Variants in ADCY8 observed in about 807,000 individuals in gnomAD.
The protein encoded by ADCY8 is adenylate cyclase type 8.
ADCY8 carries 51 observed loss-of-function variants against 119.7 expected under a neutral mutation model. The ratio of observed to expected loss-of-function variants is 0.43; its 90% confidence interval spans 0.34 to 0.54. The LOEUF (loss-of-function observed/expected upper bound fraction) is 0.54. ADCY8 is among the 20% of genes least tolerant of loss of function. ADCY8 has a pLI of 0.03. For synonymous variants in ADCY8, 665 were observed against 651.0 expected (o/e 1.02, Z -0.33); for missense variants, 1,383 against 1,598.8 (o/e 0.87, Z 2.30).
At chr8:130,796,201 T>TC (rs1038994824) in intron 15 of ADCY8, among the ~76,000 whole-genome samples, 10 of 152,182 alleles carry the variant, frequency 6.6e-5, no homozygotes, top group Admixed American at 5.2e-4. Flanking sequence ...CTGGTAAGCC[T>TC]CCCCCTCAGA....
intron 13 of ADCY8, among the ~76,000 whole-genome samples, chr8:130,815,465 C>T (rs190305771): frequency 0.011 from 1,657 of 152,226 alleles, 40 homozygotes; most frequent in African/African-American, 0.035. Context: ...AAACAATATA[C>T]ATATATTAAA....
chr8:130,908,984 GCT>G (rs10532518), intron 6 of ADCY8, among the ~76,000 whole-genome samples: 60,551 of 130,828 alleles, frequency 0.46, 13,469 homozygotes, highest in African/African-American at 0.66. Context: ...ATGTGGAAGT[GCT>G]CTCTCTCTCT....
At chr8:130,982,270 T>A (rs1822262938) in intron 2 of ADCY8, among the ~76,000 whole-genome samples, 1 of 152,162 alleles carries the variant, frequency 6.6e-6, no homozygotes, top group Non-Finnish European at 1.5e-5. Flanking sequence ...GGAAGCATGG[T>A]GCTAACCCTG....
intron 2 of ADCY8, among the ~76,000 whole-genome samples, chr8:130,961,216 C>A (rs1285751067): frequency 6.6e-6 from 1 of 152,152 alleles, no homozygotes; most frequent in Admixed American, 6.5e-5. Context: ...TCAAGCAATT[C>A]TCCTGCCTCA....
intron 8 of ADCY8, among the ~76,000 whole-genome samples, chr8:130,877,311 C>T (rs1043469690): frequency 6.6e-6 from 1 of 152,154 alleles, no homozygotes; most frequent in Non-Finnish European, 1.5e-5. Flanking sequence ...GTTCCCAGGG[C>T]ACAGAAGCTG....
chr8:130,906,930 C>T (rs1819805525), intron 6 of ADCY8, among the ~76,000 whole-genome samples: 1 of 151,610 alleles, frequency 6.6e-6, no homozygotes, highest in Non-Finnish European at 1.5e-5. Context: ...GAAACTGGCC[C>T]AGAAGTAACA....
At chr8:130,944,149 G>GGCAA in intron 3 of ADCY8, among the ~76,000 whole-genome samples, 1 of 152,136 alleles carries the variant, frequency 6.6e-6, no homozygotes, top group Admixed American at 6.5e-5. Flanking sequence ...TACTCTGTGG[G>GGCAA]GCAAGCATAG....
intron 1 of ADCY8, among the ~76,000 whole-genome samples, chr8:130,995,364 T>C (rs1183051865): frequency 2.6e-5 from 4 of 152,192 alleles, no homozygotes; most frequent in Admixed American, 6.5e-5. Context: ...CAATAAGTTA[T>C]TGGGTAATGC....
intron 5 of ADCY8, among the ~76,000 whole-genome samples, chr8:130,931,946 A>G (rs997391817): frequency 3.3e-5 from 5 of 152,120 alleles, no homozygotes; most frequent in Non-Finnish European, 7.4e-5. Flanking sequence ...TCATTTCTTT[A>G]GGTTCAGTCA....
chr8:130,956,421 G>A (rs1313842375), intron 2 of ADCY8, among the ~76,000 whole-genome samples: 1 of 152,134 alleles, frequency 6.6e-6, no homozygotes, highest in African/African-American at 2.4e-5. Flanking sequence ...ATTTCCTGTG[G>A]TTTGCACATG....
rs371894514 is a variant in ADCY8 at position 130,830,937 on chromosome 8, G to A, written c.2675+5340C>T. On this transcript the variant is annotated intron_variant, in intron 12 of 17. Transcript: ENST00000286355. ...CTATGTTTTAAGAAGTCAACAAGGT[G>A]TAGGTAGTGTGGAAATAGTATCTTC... Among the ~76,000 whole-genome samples the A allele has an allele frequency of 4.6e-5, 7 of 152,328 alleles. No individual in the cohort carries two copies. In the South Asian group the frequency reaches 6.2e-4, roughly 14 times the overall value.
chr8:130,862,644 A>G (rs1332426560), intron 9 of ADCY8, among the ~76,000 whole-genome samples: 1 of 152,010 alleles, frequency 6.6e-6, no homozygotes, highest in Non-Finnish European at 1.5e-5. Context: ...CGATCTCCTG[A>G]CCTCGTGATC....
At chr8:130,789,458 A>G (rs1329736236) in intron 15 of ADCY8, among the ~76,000 whole-genome samples, 3 of 152,192 alleles carry the variant, frequency 2.0e-5, no homozygotes. Flanking sequence ...AGTGGGTACA[A>G]CATTGCATGT....
chr8:130,783,797 T>G lies in ADCY8; in HGVS notation c.3162A>C (p.Glu1054Asp). 1 of 1,612,554 alleles carries G rather than the reference T, an allele frequency of 6.2e-7. No homozygotes were observed. ...GAGCACACAAATGTCCCCACTTGTC[T>G]TCACATTGCTGAAGCAAACATGAGG... Reference protein sequence around the residue: ...SGLSPEKQQCEDKWGHLCALA... With the variant: ...SGLSPEKQQCDDKWGHLCALA... The change falls in exon 17 of 18, where the codon GAA becomes GAC. Residue 1054 changes from glutamate to aspartate, a missense_variant. Physicochemically the swap from Glu to Asp is conservative, Grantham distance 45. Around this residue, in one of 2 missense-constraint regions of ADCY8, gnomAD observed 928 missense variants for 1,163.5 expected, o/e 0.80. Transcript: ENST00000286355.
At chr8:131,026,146 C>A (rs1290755997) in intron 1 of ADCY8, among the ~76,000 whole-genome samples, 2 of 152,084 alleles carry the variant, frequency 1.3e-5, no homozygotes, top group Non-Finnish European at 2.9e-5. Context: ...AAATGCTAAC[C>A]CTAAGGTGAT....
chr8:130,990,443 G>A lies in ADCY8; in HGVS notation c.1060C>T (p.Arg354Trp), dbSNP rs1822539421. 3 of 1,614,174 alleles carry A rather than the reference G, an allele frequency of 1.9e-6. No homozygotes were observed. Among genetic ancestry groups the A allele is most frequent in the Non-Finnish European group, 2.5e-6 (3 of 1,180,006 alleles). ...CGCAGCCTGGCCTCCACACACCTCC[G>A]AGTCTCCAGGAAAGCTTGGCGCTGG... ...RAQRQAFLET[R>W]RCVEARLRLE... The change falls in exon 2 of 18, where the codon CGG becomes TGG. Residue 354 changes from arginine (R) to tryptophan (W), a missense_variant. Transcript: ENST00000286355.
intron 8 of ADCY8, among the ~76,000 whole-genome samples, chr8:130,868,623 G>A (rs978034884): frequency 6.6e-5 from 10 of 152,166 alleles, no homozygotes; most frequent in African/African-American, 1.7e-4. Flanking sequence ...CCTTACTTCT[G>A]CCTACTCTCT....
At chr8:130,884,903 G>C in intron 7 of ADCY8, 142 bp from the exon 8 acceptor site, 1 of 845,086 alleles carries the variant, frequency 1.2e-6, no homozygotes, top group Non-Finnish European at 1.9e-6. Flanking sequence ...TACAGAAGTT[G>C]ATCTGATAGC....
At chr8:130,995,336 T>C (rs1369424600) in intron 1 of ADCY8, among the ~76,000 whole-genome samples, 40 of 152,208 alleles carry the variant, frequency 2.6e-4, no homozygotes, top group Admixed American at 2.6e-3. Context: ...CTATCATTTT[T>C]AAATGCACAG....
Sources: allele counts gnomAD v4.1 joint callset (sites outside exome capture counted in the v4.1 genomes callset), GRCh38; gene constraint gnomAD v4.1.1; regional missense constraint gnomAD v4.1.1; transcripts MANE v1.5; gene names NCBI Gene and HGNC (gene_info 2026-07-23, HGNC 2026-07-21).